Variants in IGF2BP2 observed in about 807,000 individuals in gnomAD.
IGF2BP2 encodes the protein insulin like growth factor 2 mRNA binding protein 2, also known as insulin-like growth factor 2 mRNA-binding protein 2.
Under a neutral mutation model 75.8 loss-of-function variants are expected in IGF2BP2, and 17 were observed. The ratio of observed to expected loss-of-function variants is 0.22; its 90% CI spans 0.15 to 0.34. The LOEUF is 0.34. Ranked by LOEUF, IGF2BP2 falls within the 10% of genes least tolerant of loss-of-function variation. The pLI is 1.00. For synonymous variants in IGF2BP2, 288 were observed against 295.6 expected (o/e 0.97, Z 0.26); for missense variants, 516 against 772.4 (o/e 0.67, Z 3.93).
At chr3:185,808,723 C>CTTT (rs762840497) in intron 2 of IGF2BP2, among the ~76,000 whole-genome samples, 3 of 106,388 alleles carry the variant, frequency 2.8e-5, no homozygotes, top group African/African-American at 1.7e-4. Context: ...CCACACCTGG[C>CTTT]TATTTTTTTT....
At chr3:185,691,365 T>A (rs1324371270) in intron 5 of IGF2BP2, among the ~76,000 whole-genome samples, 7 of 152,228 alleles carry the variant, frequency 4.6e-5, no homozygotes, top group Non-Finnish European at 1.5e-5. Context: ...CCCAAAGGGC[T>A]GGGATTACAG....
At chr3:185,765,303 T>A (rs1418649189) in intron 2 of IGF2BP2, among the ~76,000 whole-genome samples, 1 of 152,270 alleles carries the variant, frequency 6.6e-6, no homozygotes, top group Non-Finnish European at 1.5e-5. Context: ...AAATTAAATA[T>A]AGTTTCTTTC....
intron 2 of IGF2BP2, among the ~76,000 whole-genome samples, chr3:185,707,495 G>C (rs1001418712): frequency 2.0e-5 from 3 of 151,500 alleles, no homozygotes; most frequent in African/African-American, 7.3e-5. Flanking sequence ...ATTTAGTAGA[G>C]ACGGGGTTTC....
Position 185,645,737 on chromosome 3 carries a change from AC to A in IGF2BP2, c.1708-115del. ...TGGGGATGAAGGGTGGAATGCTCAG[AC>A]AAGCATCATCTACCCACCCCCGCAC... is the stretch of plus-strand genomic sequence containing the variant. On this transcript the variant is annotated intron_variant, in intron 15 of 15. Transcript: ENST00000382199. The surrounding 1 kb of genome is among the most constrained non-coding windows in gnomAD (Gnocchi z 4.9). 2 of 752,028 alleles carry A rather than the reference AC, an allele frequency of 2.7e-6. No individual in the cohort carries two copies. The highest frequency in any genetic ancestry group is 4.7e-6 in the Non-Finnish European group (2 of 425,746). 46.6% of individuals were successfully genotyped at this position (752,028 alleles called of 1,614,324 possible).
chr3:185,810,447 C>G (rs760206056), intron 2 of IGF2BP2, among the ~76,000 whole-genome samples: 6 of 152,182 alleles, frequency 3.9e-5, no homozygotes, highest in Non-Finnish European at 7.3e-5. Context: ...ACACTGTGTG[C>G]TTTTAAAACC....
At position 185,811,840 on chromosome 3, in the gene IGF2BP2, C is replaced by G. The variant is rs1011289303; in HGVS notation, c.239+11313G>C. On this transcript the variant is annotated intron_variant, in intron 2 of 15. Transcript: ENST00000382199. ...TGCTCAGAGTAGGGTGTCTCTCTCTCTCTCTCTCTCTCTCTCTCTCTCTCT... is the reference window on the plus strand; with the variant it reads ...TGCTCAGAGTAGGGTGTCTCTCTCTGTCTCTCTCTCTCTCTCTCTCTCTCT... Among the ~76,000 whole-genome samples the G allele has an allele frequency of 7.4e-5, 7 of 94,854 alleles. No individual in the cohort carries two copies. The South Asian group carries it at 1.9e-3, about 26-fold the overall frequency. 62.2% of individuals were successfully genotyped at this position (94,854 alleles called of 152,430 possible).
chr3:185,783,372 AGGGGAAGAAG>A (rs944317000), intron 2 of IGF2BP2, among the ~76,000 whole-genome samples: 58 of 152,336 alleles, frequency 3.8e-4, no homozygotes, highest in African/African-American at 1.4e-3. Flanking sequence ...AGCTCTGCAC[AGGGGAAGAAG>A]GACTTAAGGT....
At chr3:185,728,240 A>ACCCTTGCTGCTCCTGGGCCCCTTC (rs1341583344) in intron 2 of IGF2BP2, 2 of 152,516 alleles carry the variant, frequency 1.3e-5, no homozygotes, top group Non-Finnish European at 1.5e-5. Flanking sequence ...ACGGCGCCAG[A>ACCCTTGCTGCTCCTGGGCCCCTTC]CCCTTGCTGC....
At chr3:185,650,827 A>G (rs921853512) in intron 13 of IGF2BP2, among the ~76,000 whole-genome samples, 1 of 152,168 alleles carries the variant, frequency 6.6e-6, no homozygotes, top group African/African-American at 2.4e-5. Flanking sequence ...AACTCCTCCT[A>G]TTCTCTGGCA....
At chr3:185,812,393 C>T (rs1003361925) in intron 2 of IGF2BP2, among the ~76,000 whole-genome samples, 1 of 152,186 alleles carries the variant, frequency 6.6e-6, no homozygotes, top group Non-Finnish European at 1.5e-5. Context: ...CTGAAGGGCA[C>T]GCATTCTATG....
intron 8 of IGF2BP2, 33 bp downstream of exon 8, chr3:185,675,758 A>T (rs1207287995): frequency 6.2e-7 from 1 of 1,607,490 alleles, no homozygotes; most frequent in Non-Finnish European, 8.5e-7. Context: ...GTGTTCCATT[A>T]TTGGGCATGA....
chr3:185,651,326 AT>A (rs2149058188), intron 13 of IGF2BP2, among the ~76,000 whole-genome samples: 1 of 152,298 alleles, frequency 6.6e-6, no homozygotes, highest in African/African-American at 2.4e-5. Context: ...TTAAATGGAT[AT>A]TCCACATGTT....
chr3:185,716,951 T>A (rs943078827), intron 2 of IGF2BP2: 1 of 405,312 alleles, frequency 2.5e-6, no homozygotes, highest in African/African-American at 2.1e-5. Flanking sequence ...CTTCTGTGAT[T>A]TTCTCATCCC....
chr3:185,720,383 T>C (rs1421322498), intron 2 of IGF2BP2, among the ~76,000 whole-genome samples: 1 of 152,230 alleles, frequency 6.6e-6, no homozygotes, highest in Non-Finnish European at 1.5e-5. Flanking sequence ...TTGCTCTTGC[T>C]GCCCAGGCTG....
At position 185,648,055 on chromosome 3, in the gene IGF2BP2, TGGAGAC is replaced by T. The variant is rs1034428296; in HGVS notation, c.1594-923_1594-918del. 2.3e-3 allele frequency among the ~76,000 whole-genome samples: 350 copies of T among 152,394 alleles called. 1 individual carries two copies. Among genetic ancestry groups the T allele is most frequent in the African/African-American group, 8.0e-3 (333 of 41,604 alleles). On this transcript the variant is annotated intron_variant, in intron 14 of 15. Coordinates refer to ENST00000382199, the MANE Select transcript of IGF2BP2 (RefSeq NM_006548.6). ...GTGCCCTGGAGCGCCGACTGCATTC[TGGAGAC>T]GGGGAATCCTTTGATTCCACACCGC...
chr3:185,789,388 G>C (rs1398251180), intron 2 of IGF2BP2, among the ~76,000 whole-genome samples: 1 of 152,056 alleles, frequency 6.6e-6, no homozygotes, highest in African/African-American at 2.4e-5. Context: ...ATTCTTCCCT[G>C]GGATTTGTCA....
intron 10 of IGF2BP2, among the ~76,000 whole-genome samples, chr3:185,669,906 C>T (rs1021089271): frequency 5.9e-5 from 9 of 152,212 alleles, no homozygotes; most frequent in South Asian, 2.1e-4. Flanking sequence ...CACAGGTCTG[C>T]GGTGTGGACT....
intron 2 of IGF2BP2, among the ~76,000 whole-genome samples, chr3:185,815,804 C>T (rs1358939882): frequency 2.0e-5 from 3 of 151,920 alleles, no homozygotes; most frequent in South Asian, 2.1e-4. Context: ...TTAAAGGAAA[C>T]GAAGATAAAT....
At chr3:185,646,753 C>CT (rs543115586) in intron 15 of IGF2BP2, 132 of 455,264 alleles carry the variant, frequency 2.9e-4, no homozygotes, top group African/African-American at 2.5e-3. Flanking sequence ...CTGCAGGGGG[C>CT]TTGGAACCAC....
Sources: allele counts gnomAD v4.1 joint callset (sites outside exome capture counted in the v4.1 genomes callset), GRCh38; gene constraint gnomAD v4.1.1; non-coding constraint Gnocchi (gnomAD v3.1); transcripts MANE v1.5; gene names NCBI Gene and HGNC (gene_info 2026-07-23, HGNC 2026-07-21).